The following INTS11 variants were observed in gnomAD, a reference collection of about 807,000 sequenced individuals.
INTS11 encodes CPSF3-like protein.
In INTS11, 77 loss-of-function variants were observed where a neutral mutation model predicts 78.6. The observed-to-expected ratio is 0.98, with a 90% confidence interval of 0.81 to 1.18. The LOEUF (loss-of-function observed/expected upper bound fraction) is 1.18, where lower values mean the gene tolerates loss of function less well. INTS11 is among the 50% of genes most tolerant of loss of function. INTS11 has a pLI of 0.00. For missense variants in INTS11, 875 were observed against 825.9 expected (o/e 1.06, Z -0.73); for synonymous variants, 441 against 326.9 (o/e 1.35, Z -3.77).
chr1:1,312,213 G>GGGGGGGCCCGCCCCCCCCCC lies in INTS11; in HGVS notation c.1607+12_1607+13insGGGGGGGGGGCGGGCCCCCC. 2.1e-6 allele frequency: 2 copies of GGGGGGGCCCGCCCCCCCCCC among 934,622 alleles called. No homozygotes were observed. The highest frequency in any genetic ancestry group is 3.1e-6 in the Non-Finnish European group (2 of 636,670). The allele number at this position is 934,622 out of a possible 1,614,324, so 57.9% of individuals were successfully genotyped here. ...CCCAAGGGAGTGGGGGGGGGGCGGG[G>GGGGGGGCCCGCCCCCCCCCC]CCGGGCGCCCACCTCTTGAGGTGGC... is the stretch of plus-strand genomic sequence containing the variant. On this transcript the variant is annotated intron_variant, in intron 15 of 16. Coordinates refer to ENST00000435064, the MANE Select transcript of INTS11 (RefSeq NM_017871.6).
chr1:1,317,519 A>G, intron 4 of INTS11: 5 of 902,068 alleles, frequency 5.5e-6, no homozygotes, highest in Non-Finnish European at 6.6e-6. Context: ...CAGGAAAGAC[A>G]AACAGATGAC....
In INTS11 at chr1:1,313,475, G is replaced by A; in HGVS notation, c.1041+34C>T. ...TGGAAGGACAACCCGTCGGCCTCCA[G>A]CTTCCAGATTCCCACACCTCACCAT... On this transcript the variant is annotated intron_variant, in intron 10 of 16. Transcript: ENST00000435064. 3.1e-6 allele frequency: 5 copies of A among 1,610,926 alleles called. No individual in the cohort carries two copies. The East Asian group carries it at 1.1e-4, about 36-fold the overall frequency.
chr1:1,324,405 G>C (rs1410292481), intron 1 of INTS11, among the ~76,000 whole-genome samples, 176 bp downstream of exon 1: 1 of 152,172 alleles, frequency 6.6e-6, no homozygotes, highest in Non-Finnish European at 1.5e-5. Context: ...CGGAGGCCCG[G>C]GGTGCAGGGA....
At chr1:1,324,444 C>G (rs950204552) in intron 1 of INTS11, 137 bp downstream of exon 1, 2 of 859,020 alleles carry the variant, frequency 2.3e-6, no homozygotes, top group Non-Finnish European at 1.7e-6. Context: ...CCCACCAGGG[C>G]CCGCGCGGGG....
intron 2 of INTS11, 140 bp from the exon 3 acceptor site, chr1:1,320,669 A>C (rs1642891986): frequency 3.5e-6 from 3 of 866,778 alleles, no homozygotes; most frequent in Non-Finnish European, 5.9e-6. Context: ...CGCAGGTGGC[A>C]CCAGGACCCC....
chr1:1,322,882 TTGA>T, intron 1 of INTS11: 1 of 1,208,874 alleles, frequency 8.3e-7, no homozygotes, highest in African/African-American at 1.5e-5. Context: ...GACTTCGGCT[TTGA>T]TGATACCTTG....
At chr1:1,319,158 G>A (rs559473050) in intron 4 of INTS11, 138 bp downstream of exon 4, 11 of 858,782 alleles carry the variant, frequency 1.3e-5, no homozygotes, top group South Asian at 9.2e-5. Flanking sequence ...GTGTCCCCAC[G>A]GTGCTGGACG....
Position 1,319,449 on chromosome 1 carries a change from C to A in INTS11, c.276G>T (p.Met92Ile). 1 of 1,612,396 alleles carries A rather than the reference C, an allele frequency of 6.2e-7. No homozygotes were observed. Among genetic ancestry groups the A allele is most frequent in the South Asian group, 1.1e-5 (1 of 91,036 alleles). ...EMVGYDGPIY[M>I]THPTQAICPI... is the part of the protein sequence containing the mutation. Reference sequence around the variant, plus strand: ...GGCAGATGGCCTGGGTGGGGTGAGTCATGTAGATGGGCCCGTCGTAGCCCA... The same window carrying A: ...GGCAGATGGCCTGGGTGGGGTGAGTAATGTAGATGGGCCCGTCGTAGCCCA... Residue 92 changes from methionine to isoleucine, a missense_variant, in exon 4 of 17, where the codon ATG (methionine) becomes ATT (isoleucine). By Grantham distance (10) the Met-to-Ile change is conservative. Transcript: ENST00000435064.
Position 1,312,213 on chromosome 1 carries a change from G to GCCCCCGCCCCCCCCCCCCC in INTS11, c.1607+12_1607+13insGGGGGGGGGGGGGCGGGGG. ...CCCAAGGGAGTGGGGGGGGGGCGGG[G>GCCCCCGCCCCCCCCCCCCC]CCGGGCGCCCACCTCTTGAGGTGGC... On this transcript the variant is annotated intron_variant, in intron 15 of 16. Coordinates refer to ENST00000435064, the MANE Select transcript of INTS11 (RefSeq NM_017871.6). 1.1e-6 allele frequency: 1 copy of GCCCCCGCCCCCCCCCCCCC among 934,624 alleles called. No homozygotes were observed. The highest frequency in any genetic ancestry group is 1.6e-6 in the Non-Finnish European group (1 of 636,672). The allele number at this position is 934,624 out of a possible 1,614,324, so 57.9% of individuals were successfully genotyped here.
intron 16 of INTS11, 27 bp from the exon 17 acceptor site, chr1:1,311,951 G>C (rs1642191982): frequency 6.3e-7 from 1 of 1,586,546 alleles, no homozygotes; most frequent in Middle Eastern, 1.7e-4. Flanking sequence ...AGCATTGTGG[G>C]TGGTGCAGGA....
intron 16 of INTS11, 25 bp downstream of exon 16, chr1:1,311,993 C>A: frequency 6.3e-7 from 1 of 1,590,692 alleles, no homozygotes; most frequent in Non-Finnish European, 8.6e-7. Flanking sequence ...GTGTTGACCG[C>A]GGTGGGGTGG....
In INTS11 at chr1:1,315,003, C is replaced by G. The variant is rs759928482; in HGVS notation, c.564-41G>C. 3.1e-6 allele frequency: 5 copies of G among 1,597,436 alleles called. No individual in the cohort carries two copies. In the African/African-American group the frequency reaches 5.4e-5, roughly 17 times the overall value. On this transcript the variant is annotated intron_variant, in intron 6 of 16. Transcript: ENST00000435064. ...GGGGGTGTGAGCCACGATGCACTGT[C>G]CCCACGGTTGCAGGGCTGGGTGTGA...
Position 1,312,213 on chromosome 1 carries a change from G to GGGGGGCCCCCCCC in INTS11, c.1607+12_1607+13insGGGGGGGGCCCCC. On this transcript the variant is annotated intron_variant, in intron 15 of 16. Coordinates refer to ENST00000435064, the MANE Select transcript of INTS11 (RefSeq NM_017871.6). The stretch of plus-strand genomic sequence containing the variant: ...CCCAAGGGAGTGGGGGGGGGGCGGG[G>GGGGGGCCCCCCCC]CCGGGCGCCCACCTCTTGAGGTGGC... The GGGGGGCCCCCCCC allele has an allele frequency of 5.4e-6, 5 of 934,546 alleles. No homozygotes were observed. Among genetic ancestry groups the GGGGGGCCCCCCCC allele is most frequent in the Non-Finnish European group, 7.9e-6 (5 of 636,608 alleles). The allele number at this position is 934,546 out of a possible 1,614,324, so 57.9% of individuals were successfully genotyped here. A position where few individuals can be genotyped will look rare whatever the true frequency, so the allele number is the denominator to read the frequency against.
chr1:1,313,413 C>T (rs941099747), intron 10 of INTS11, 96 bp downstream of exon 10: 34 of 1,402,414 alleles, frequency 2.4e-5, no homozygotes, highest in South Asian at 3.6e-5. Context: ...TTGGCCAGCA[C>T]GAGGCCAAGC....
intron 1 of INTS11, chr1:1,321,789 C>A: frequency 4.3e-6 from 3 of 702,808 alleles, no homozygotes; most frequent in Non-Finnish European, 6.3e-6. Context: ...AGCCAAGGCA[C>A]ACTCAGCCCC....
At position 1,319,460 on chromosome 1, in the gene INTS11, G is replaced by T; in HGVS notation, c.265C>A (p.Pro89Thr). Residue 89 changes from proline to threonine, a missense_variant, in exon 4 of 17, where the codon CCC becomes ACC. Transcript: ENST00000435064. ...YFSEMVGYDG[P>T]IYMTHPTQAI... is the part of the protein sequence containing the mutation. ...TGGGTGGGGTGAGTCATGTAGATGGGCCCGTCGTAGCCCACCATCTCGCTG... is the reference window on the plus strand; with the variant it reads ...TGGGTGGGGTGAGTCATGTAGATGGTCCCGTCGTAGCCCACCATCTCGCTG... 1 of 1,610,726 alleles carries T rather than the reference G, an allele frequency of 6.2e-7. No homozygotes were observed. The highest frequency in any genetic ancestry group is 1.1e-5 in the South Asian group (1 of 90,950).
chr1:1,318,577 C>T (rs1447523726), intron 4 of INTS11: 1 of 289,864 alleles, frequency 3.4e-6, no homozygotes, highest in Non-Finnish European at 6.4e-6. Flanking sequence ...GAGATCACCT[C>T]AACCCGGGAG....
At chr1:1,324,496 A>G in intron 1 of INTS11, 85 bp downstream of exon 1, 1 of 1,405,548 alleles carries the variant, frequency 7.1e-7, no homozygotes, top group Non-Finnish European at 9.8e-7. Flanking sequence ...TGGCTCCACG[A>G]GAAACGGGAG....
Position 1,312,808 on chromosome 1 carries a change from GC to G in INTS11, c.1272del (p.Lys424AsnfsTer21), listed in dbSNP as rs1469484219. 2 of 1,610,054 alleles carry G rather than the reference GC, an allele frequency of 1.2e-6. No homozygotes were observed. Among genetic ancestry groups the G allele is most frequent in the Non-Finnish European group, 1.7e-6 (2 of 1,178,840 alleles). ...HGEAKKMEFL[K>X]QKIEQELRVN... ...CTACGGAGCTCCTGCTCGATCTTCT[GC>G]TTCAGGAACTCCATCTTCTTGGCCT... is the stretch of plus-strand genomic sequence containing the variant. On this transcript the variant is annotated frameshift_variant, in exon 12 of 17. Coordinates refer to ENST00000435064, the MANE Select transcript of INTS11 (RefSeq NM_017871.6). LOFTEE classifies it high-confidence loss of function.
Sources: gnomAD v4.1 joint callset for allele counts (sites outside exome capture counted in the v4.1 genomes callset) on GRCh38, gnomAD v4.1.1 for gene constraint, MANE v1.5 for transcripts, NCBI Gene and HGNC (gene_info 2026-07-23, HGNC 2026-07-21) for gene names.